Variants in KLHL6 observed in about 807,000 individuals in gnomAD.
KLHL6 encodes kelch-like protein 6.
Under a neutral mutation model 58.6 loss-of-function variants are expected in KLHL6, and 41 were observed. That is an observed-to-expected ratio of 0.70 (90% CI 0.55 to 0.91). The LOEUF (loss-of-function observed/expected upper bound fraction) is 0.91, where lower values mean the gene tolerates loss of function less well. Among genes scored for constraint, KLHL6 ranks in the 40% least tolerant of loss-of-function variants. The pLI is 0.00. For synonymous variants in KLHL6, 338 were observed against 322.7 expected, an observed-to-expected ratio of 1.05 and a Z score of -0.51; for missense variants, 714 against 805.6, an observed-to-expected ratio of 0.89 and a Z score of 1.38.
chr3:183,524,736 C>T (rs753930084), intron 2 of KLHL6, among the ~76,000 whole-genome samples: 19 of 152,188 alleles, frequency 1.2e-4, no homozygotes, highest in Non-Finnish European at 2.4e-4. Context: ...AGCTGAGTCA[C>T]ACCAATGGTG....
intron 4 of KLHL6, among the ~76,000 whole-genome samples, chr3:183,496,885 C>T (rs1717725758): frequency 1.3e-5 from 2 of 152,212 alleles, no homozygotes; most frequent in Non-Finnish European, 2.9e-5. Flanking sequence ...CACCTGTAAT[C>T]CCAGCCCTCT....
At chr3:183,497,779 T>C (rs1717756144) in intron 4 of KLHL6, among the ~76,000 whole-genome samples, 2 of 152,230 alleles carry the variant, frequency 1.3e-5, no homozygotes, top group Non-Finnish European at 2.9e-5. Flanking sequence ...CTGCATACTA[T>C]TGTGTTAATT....
intron 1 of KLHL6, among the ~76,000 whole-genome samples, chr3:183,534,122 A>AAAGTACTTTAAAAGTACT (rs1466952260): frequency 4.1e-5 from 5 of 123,186 alleles, no homozygotes; most frequent in Non-Finnish European, 8.9e-5. Flanking sequence ...CTTTACTTTT[A>AAAGTACTTTAAAAGTACT]AAGTACTTTG....
intron 3 of KLHL6, among the ~76,000 whole-genome samples, chr3:183,502,120 T>C (rs2108669385): frequency 6.6e-6 from 1 of 151,950 alleles, no homozygotes; most frequent in East Asian, 1.9e-4. Flanking sequence ...TGAAACCCAG[T>C]CTCTACTAAA....
chr3:183,508,113 T>C lies in KLHL6; in HGVS notation c.855A>G (p.Pro285=). The C allele has an allele frequency of 6.2e-7, 1 of 1,614,188 alleles. No homozygotes were observed. The highest frequency in any genetic ancestry group is 8.5e-7 in the Non-Finnish European group (1 of 1,180,036). The part of the protein sequence containing the change: ...VEADPLIRQC[P]EVFPLLQEAR... ...CTTCCTGGAGCAGCGGGAAGACCTCTGGGCACTGCCTGATGAGAGGATCTG... is the reference window on the plus strand; with the variant it reads ...CTTCCTGGAGCAGCGGGAAGACCTCCGGGCACTGCCTGATGAGAGGATCTG... The change falls in exon 3 of 7, where the codon CCA becomes CCG. Residue 285 remains proline, a synonymous_variant. Coordinates refer to ENST00000341319, the MANE Select transcript of KLHL6 (RefSeq NM_130446.4).
intron 2 of KLHL6, among the ~76,000 whole-genome samples, chr3:183,512,578 G>A (rs1011388789): frequency 1.1e-4 from 17 of 151,588 alleles, no homozygotes; most frequent in East Asian, 9.7e-4. Context: ...CACAGCCTCC[G>A]CCTCCCGGGT....
Position 183,492,833 on chromosome 3 carries a change from G to GC in KLHL6, c.1351-127dup, listed in dbSNP as rs1332460679. On this transcript the variant is annotated intron_variant, in intron 5 of 6. Coordinates refer to ENST00000341319, the MANE Select transcript of KLHL6 (RefSeq NM_130446.4). This position sits in a 1 kb window ranked among gnomAD's most constrained non-coding sequence, Gnocchi z 5.9. ...GGCATCTTTTGCCTATAGTCACAAG[G>GC]CCCATGGGCTTGACTCCTCTTAAGA... The GC allele has an allele frequency of 2.5e-6, 2 of 786,476 alleles. No individual in the cohort carries two copies. Among genetic ancestry groups the GC allele is most frequent in the Non-Finnish European group, 4.1e-6 (2 of 492,910 alleles). The allele number at this position is 786,476 out of a possible 1,614,324, so 48.7% of individuals were successfully genotyped here. A position where few individuals can be genotyped will look rare whatever the true frequency, so the allele number is the denominator to read the frequency against.
chr3:183,490,121 A>C lies in KLHL6; in HGVS notation c.*1806T>G, dbSNP rs1389977366. ...ATTAGAATGAATTTCCAGTGAGCTCATTTGAAAGCTGTAGCTCTTACAGTG... is the reference window on the plus strand; with the variant it reads ...ATTAGAATGAATTTCCAGTGAGCTCCTTTGAAAGCTGTAGCTCTTACAGTG... On this transcript the variant is annotated 3_prime_UTR_variant, in exon 7 of 7. Coordinates refer to ENST00000341319, the MANE Select transcript of KLHL6 (RefSeq NM_130446.4). 6.6e-6 allele frequency: 1 copy of C among 152,214 alleles called. No individual in the cohort carries two copies. Among genetic ancestry groups the C allele is most frequent in the African/African-American group, 2.4e-5 (1 of 41,452 alleles). 9.4% of individuals were successfully genotyped at this position (152,214 alleles called of 1,614,324 possible).
chr3:183,513,015 T>G (rs1373125371), intron 2 of KLHL6, among the ~76,000 whole-genome samples: 3 of 152,188 alleles, frequency 2.0e-5, no homozygotes, highest in Non-Finnish European at 4.4e-5. Flanking sequence ...GAAGGTAACA[T>G]ACAAAATGTT....
rs1553811014 is a variant in KLHL6, at chr3:183,525,265, A to ACACACACACACACACAC, written c.459+2579_459+2580insGTGTGTGTGTGTGTGTG. Reference sequence around the variant, plus strand: ...GGCAACAGAGTGAGACTCTCTAAAAAAAAAACACACACACACACACACACA... The same window carrying ACACACACACACACACAC: ...GGCAACAGAGTGAGACTCTCTAAAAACACACACACACACACACAAAAACACACACACACACACACACA... On this transcript the variant is annotated intron_variant, in intron 2 of 6. Coordinates refer to ENST00000341319, the MANE Select transcript of KLHL6 (RefSeq NM_130446.4). Among the ~76,000 whole-genome samples the ACACACACACACACACAC allele has an allele frequency of 4.9e-3, 256 of 52,608 alleles. 1 individual carries two copies. The highest frequency in any genetic ancestry group is 0.01 in the African/African-American group (187 of 18,060). 34.5% of individuals were successfully genotyped at this position (52,608 alleles called of 152,430 possible). A position where few individuals can be genotyped will look rare whatever the true frequency, so the allele number is the denominator to read the frequency against.
In KLHL6 at chr3:183,492,134, G is replaced by T. The variant is rs753728391; in HGVS notation, c.1659C>A (p.Ile553=). The T allele has an allele frequency of 5.0e-6, 8 of 1,613,614 alleles. No individual in the cohort carries two copies. The Admixed American group carries it at 5.0e-5, about 10-fold the overall frequency. Residue 553 remains isoleucine, a synonymous_variant, in exon 7 of 7, where the codon ATC becomes ATA. Transcript: ENST00000341319. This position sits in a 1 kb window ranked among gnomAD's most constrained non-coding sequence, Gnocchi z 5.9. The part of the protein sequence containing the change: ...QLSHERASCG[I]APCNNRLYIT... ...TGTAGAGCCGGTTGTTGCAGGGCGC[G>T]ATACCGCAGCTGGCCCGCTCGTGGC...
chr3:183,539,136 C>G (rs1025189335), intron 1 of KLHL6, among the ~76,000 whole-genome samples: 5 of 152,222 alleles, frequency 3.3e-5, no homozygotes, highest in South Asian at 4.1e-4. Context: ...GAGGTCACCC[C>G]TACTTCCTCC....
intron 1 of KLHL6, among the ~76,000 whole-genome samples, chr3:183,531,443 GTTTTT>G (rs59579259): frequency 1.1e-5 from 1 of 90,358 alleles, no homozygotes; most frequent in African/African-American, 4.8e-5. Context: ...TTTTGTCTGT[GTTTTT>G]TTTTTTTTTT....
Position 183,555,381 on chromosome 3 carries a change from G to C in KLHL6, c.273C>G (p.Ala91=). 6.2e-7 allele frequency: 1 copy of C among 1,614,018 alleles called. No homozygotes were observed. Among genetic ancestry groups the C allele is most frequent in the Middle Eastern group, 1.6e-4 (1 of 6,062 alleles). ...CTGACCTGAAATAGTTGCTGGCTGCGGCAAGCACCACGCGGTGGCAGGAGA... is the reference window on the plus strand; with the variant it reads ...CTGACCTGAAATAGTTGCTGGCTGCCGCAAGCACCACGCGGTGGCAGGAGA... ...QEFSCHRVVL[A]AASNYFRAMF... is the part of the protein sequence containing the mutation. Residue 91 remains alanine (A), a synonymous_variant, in exon 1 of 7, where the codon GCC becomes GCG. Coordinates refer to ENST00000341319, the MANE Select transcript of KLHL6 (RefSeq NM_130446.4).
At chr3:183,555,208 T>C (rs1024949880) in intron 1 of KLHL6, among the ~76,000 whole-genome samples, 153 bp downstream of exon 1, 1 of 152,074 alleles carries the variant, frequency 6.6e-6, no homozygotes, top group African/African-American at 2.4e-5. Context: ...AGTGTGATAG[T>C]GTCCTTTCTT....
intron 2 of KLHL6, among the ~76,000 whole-genome samples, chr3:183,526,958 G>A (rs755814327): frequency 2.0e-5 from 3 of 151,950 alleles, no homozygotes; most frequent in Non-Finnish European, 4.4e-5. Flanking sequence ...AATCATCTGG[G>A]CTTGATGGCA....
intron 2 of KLHL6, among the ~76,000 whole-genome samples, chr3:183,524,045 G>A (rs937434728): frequency 7.9e-5 from 12 of 152,170 alleles, no homozygotes; most frequent in African/African-American, 2.7e-4. Context: ...ACAGGTGTGA[G>A]CCACTGTGCC....
At position 183,532,311 on chromosome 3, in the gene KLHL6, C is replaced by A. The variant is rs985318862; in HGVS notation, c.294-4301G>T. 2.6e-5 allele frequency among the ~76,000 whole-genome samples: 4 copies of A among 152,202 alleles called. No homozygotes were observed. The East Asian group carries it at 7.7e-4, about 29-fold the overall frequency. ...CTGCAAGCCAGGAAGGGAGCCCTCA[C>A]CAGAAACCAGATCATGCTAGCAACT... On this transcript the variant is annotated intron_variant, in intron 1 of 6. Transcript: ENST00000341319.
intron 2 of KLHL6, among the ~76,000 whole-genome samples, chr3:183,525,267 A>ACACACACACACACACACACACAC (rs1553811023): frequency 0.055 from 6,813 of 124,600 alleles, 259 homozygotes; most frequent in African/African-American, 0.061. Context: ...CTCTAAAAAA[A>ACACACACACACACACACACACAC]AAACACACAC....
Sources: allele counts gnomAD v4.1 joint callset (sites outside exome capture counted in the v4.1 genomes callset), GRCh38; gene constraint gnomAD v4.1.1; non-coding constraint Gnocchi (gnomAD v3.1); transcripts MANE v1.5; gene names NCBI Gene and HGNC (gene_info 2026-07-23, HGNC 2026-07-21).